Variants in MAX observed in about 807,000 individuals in gnomAD.
The protein encoded by MAX is protein max.
A neutral mutation model predicts 22.3 loss-of-function variants in MAX; 3 were observed. The observed-to-expected ratio is 0.13, with a 90% CI of 0.06 to 0.35. The LOEUF (loss-of-function observed/expected upper bound fraction) is 0.35. MAX is among the 10% of genes least tolerant of loss of function. MAX has a pLI of 1.00. For missense variants in MAX, 119 were observed against 209.4 expected (o/e 0.57, Z 2.66); for synonymous variants, 72 against 77.7 (o/e 0.93, Z 0.39).
chr14:65,007,905 T>C lies in MAX; in HGVS notation c.172-1621A>G, dbSNP rs542687622. Among the ~76,000 whole-genome samples the C allele has an allele frequency of 8.3e-4, 127 of 152,344 alleles. 7 individuals carry two copies. The South Asian group carries it at 0.024, about 28-fold the overall frequency. On this transcript the variant is annotated intron_variant, in intron 3 of 3. Coordinates refer to the MAX transcript ENST00000341653. The surrounding 1 kb of genome is among the most constrained non-coding windows in gnomAD (Gnocchi z 4.9). Reference sequence around the variant, plus strand: ...AGAAATATTGATAATGTCCCTGTGCTAATAGAGCCCTGGAGGTTAAGTGCT... The same window carrying C: ...AGAAATATTGATAATGTCCCTGTGCCAATAGAGCCCTGGAGGTTAAGTGCT...
rs1392032287 is a variant in MAX at position 65,032,598 on chromosome 14, C to T, written c.172-26314G>A. On this transcript the variant is annotated intron_variant, in intron 3 of 3. Coordinates refer to the MAX transcript ENST00000341653. The surrounding 1 kb of genome is among the most constrained non-coding windows in gnomAD (Gnocchi z 5.0). ...GTAGAGCTTAATGTGTTTCCCGTTT[C>T]TGTCTTTCCAGAAGCGCATACTGTG... The T allele has an allele frequency of 1.2e-6, 2 of 1,612,828 alleles. No homozygotes were observed. Among genetic ancestry groups the T allele is most frequent in the Non-Finnish European group, 1.7e-6 (2 of 1,179,836 alleles).
Position 65,052,234 on chromosome 14 carries a change from T to C in MAX, c.171+41474A>G, listed in dbSNP as rs533886704. Among the ~76,000 whole-genome samples the C allele has an allele frequency of 2.6e-5, 4 of 152,276 alleles. No homozygotes were observed. The East Asian group carries it at 7.7e-4, about 29-fold the overall frequency. On this transcript the variant is annotated intron_variant, in intron 3 of 3. Coordinates refer to the MAX transcript ENST00000341653. ...TGGCTATGCAGATTATGTAATAGAA[T>C]AGAAAATTTATGCCTATAGTGGTAT...
chr14:65,060,682 CG>C (rs1368394923), intron 3 of MAX, among the ~76,000 whole-genome samples: 1 of 79,138 alleles, frequency 1.3e-5, no homozygotes, highest in Admixed American at 1.1e-4. Context: ...GGCGACAGAG[CG>C]AGAGACTCCG....
At chr14:65,043,794 A>G (rs1360214794) in intron 3 of MAX, among the ~76,000 whole-genome samples, 1 of 131,836 alleles carries the variant, frequency 7.6e-6, no homozygotes, top group South Asian at 2.7e-4. Context: ...TGCAGTCCGC[A>G]GTCCGGCCTG....
chr14:65,048,793 T>G (rs1229530755), intron 3 of MAX, among the ~76,000 whole-genome samples: 2 of 152,054 alleles, frequency 1.3e-5, no homozygotes, highest in Non-Finnish European at 2.9e-5. Context: ...AGGCAGAGGT[T>G]GCAGGCAGAG....
At chr14:65,090,908 C>T (rs2063489031) in intron 3 of MAX, among the ~76,000 whole-genome samples, 1 of 152,124 alleles carries the variant, frequency 6.6e-6, no homozygotes, top group Non-Finnish European at 1.5e-5. Flanking sequence ...ACACAAGTAT[C>T]CCCTATTATT....
intron 3 of MAX, among the ~76,000 whole-genome samples, chr14:65,010,147 C>T (rs2061661047): frequency 6.6e-6 from 1 of 152,180 alleles, no homozygotes; most frequent in Non-Finnish European, 1.5e-5. Context: ...CTGTTAAACA[C>T]CTTCCTGAAA....
At chr14:65,094,445 A>G (rs944083995) in intron 2 of MAX, among the ~76,000 whole-genome samples, 2 of 152,220 alleles carry the variant, frequency 1.3e-5, no homozygotes, top group African/African-American at 4.8e-5. Context: ...CTGAGTTCCT[A>G]TTTTTTAAAA....
At chr14:65,058,156 ACTT>A (rs1399324197) in intron 3 of MAX, among the ~76,000 whole-genome samples, 3 of 150,716 alleles carry the variant, frequency 2.0e-5, no homozygotes, top group Admixed American at 6.6e-5. Flanking sequence ...AAGAGAACTG[ACTT>A]CTTTTCAATA....
chr14:65,040,210 A>G (rs8020734), intron 3 of MAX, among the ~76,000 whole-genome samples: 29,167 of 150,656 alleles, frequency 0.19, 4,686 homozygotes, highest in African/African-American at 0.43. Context: ...AGAATCAACA[A>G]TCACTCTTTA....
At chr14:65,038,836 A>G (rs957316571) in intron 3 of MAX, among the ~76,000 whole-genome samples, 2 of 152,010 alleles carry the variant, frequency 1.3e-5, no homozygotes, top group African/African-American at 4.8e-5. Flanking sequence ...TCTTGTTTTT[A>G]TTTTTGTAAT....
intron 3 of MAX, among the ~76,000 whole-genome samples, chr14:65,055,446 G>T (rs918284841): frequency 2.6e-5 from 4 of 152,072 alleles, no homozygotes; most frequent in African/African-American, 7.2e-5. Flanking sequence ...CTACCATCTA[G>T]GTCACTGCCT....
In MAX at chr14:65,069,384, G is replaced by A. The variant is rs892444719; in HGVS notation, c.171+24324C>T. 3.9e-5 allele frequency among the ~76,000 whole-genome samples: 6 copies of A among 152,178 alleles called. No homozygotes were observed. The highest frequency in any genetic ancestry group is 3.3e-4 in the Admixed American group (5 of 15,272). On this transcript the variant is annotated intron_variant, in intron 3 of 3. Coordinates refer to the MAX transcript ENST00000341653. This position sits in a 1 kb window ranked among gnomAD's most constrained non-coding sequence, Gnocchi z 4.6. ...CCTGCCCCTCCCATAGTGCCAAACC[G>A]CTCTCACTGAGGGCCCATCTCCTGA...
At position 65,032,795 on chromosome 14, in the gene MAX, T is replaced by TA. The variant is rs1244786584; in HGVS notation, c.172-26512dup. The TA allele has an allele frequency of 3.0e-5, 35 of 1,168,986 alleles. No homozygotes were observed. The highest frequency in any genetic ancestry group is 4.0e-5 in the Non-Finnish European group (34 of 847,340). 72.4% of individuals were successfully genotyped at this position (1,168,986 alleles called of 1,614,324 possible). A position where few individuals can be genotyped will look rare whatever the true frequency, so the allele number is the denominator to read the frequency against. Reference sequence around the variant, plus strand: ...AAATGCAGAGGGACTTGGAAGGAAATACAAAAATCACAGGAGATCCATTAG... The same window carrying TA: ...AAATGCAGAGGGACTTGGAAGGAAATAACAAAAATCACAGGAGATCCATTAG... On this transcript the variant is annotated intron_variant, in intron 3 of 3. Transcript: ENST00000341653. The surrounding 1 kb of genome is among the most constrained non-coding windows in gnomAD (Gnocchi z 5.0).
chr14:65,058,530 GCTC>G (rs2062793506), intron 3 of MAX, among the ~76,000 whole-genome samples: 1 of 152,140 alleles, frequency 6.6e-6, no homozygotes, highest in African/African-American at 2.4e-5. Flanking sequence ...TTCGTCTCTT[GCTC>G]CTGATTATAA....
chr14:65,080,729 A>G (rs2063178649), intron 3 of MAX, among the ~76,000 whole-genome samples: 1 of 152,224 alleles, frequency 6.6e-6, no homozygotes, highest in Non-Finnish European at 1.5e-5. Flanking sequence ...TTTTCAACTA[A>G]TAGTTCCCAG....
At chr14:65,048,950 C>A (rs2062547687) in intron 3 of MAX, among the ~76,000 whole-genome samples, 1 of 152,070 alleles carries the variant, frequency 6.6e-6, no homozygotes, top group African/African-American at 2.4e-5. Context: ...CATGGTGAAA[C>A]CCCATCTCTA....
intron 2 of MAX, among the ~76,000 whole-genome samples, chr14:65,097,838 G>C (rs2063713638): frequency 6.6e-6 from 1 of 152,154 alleles, no homozygotes; most frequent in Admixed American, 6.5e-5. Flanking sequence ...GGTAGGATGG[G>C]ATAAACTCAC....
intron 3 of MAX, among the ~76,000 whole-genome samples, chr14:65,042,259 A>G (rs2062370252): frequency 6.6e-6 from 1 of 152,264 alleles, no homozygotes; most frequent in South Asian, 2.1e-4. Flanking sequence ...CTTTATTTCT[A>G]TTATTACACT....
Sources: gnomAD v4.1 joint callset for allele counts (sites outside exome capture counted in the v4.1 genomes callset) on GRCh38, gnomAD v4.1.1 for gene constraint, Gnocchi (gnomAD v3.1) non-coding constraint, MANE v1.5 for transcripts, NCBI Gene and HGNC (gene_info 2026-07-23, HGNC 2026-07-21) for gene names.